GPC3: variants seen among roughly 807,000 people sequenced by gnomAD.
GPC3 encodes the protein glypican-3.
GPC3 carries 3 observed loss-of-function variants against 34.4 expected under a neutral mutation model. That is an observed-to-expected ratio of 0.09 (90% CI 0.04 to 0.23). The LOEUF is 0.23. Among genes scored for constraint, GPC3 ranks in the 10% least tolerant of loss-of-function variants. The pLI is 1.00. For missense variants in GPC3, 351 were observed against 445.6 expected (o/e 0.79, Z 1.91); for synonymous variants, 177 against 174.0 (o/e 1.02, Z -0.13).
chrX:133,902,652 G>A (rs182347347), intron 2 of GPC3, among the ~76,000 whole-genome samples: 17 of 111,592 alleles, frequency 1.5e-4, no homozygotes, highest in Non-Finnish European at 9.4e-5. Context: ...GAACCCAGGA[G>A]GCAGAGGTTA....
At chrX:133,894,620 A>C (rs1253943536) in intron 2 of GPC3, among the ~76,000 whole-genome samples, 1 of 111,853 alleles carries the variant, frequency 8.9e-6, no homozygotes. Flanking sequence ...CAGGCAGATC[A>C]CTTGAGGTCA....
intron 2 of GPC3, among the ~76,000 whole-genome samples, chrX:133,841,445 C>T (rs984293077): frequency 2.8e-5 from 3 of 108,131 alleles, no homozygotes; most frequent in Non-Finnish European, 5.7e-5. Context: ...AGAGATGTCA[C>T]GATGCATAAA....
intron 2 of GPC3, among the ~76,000 whole-genome samples, chrX:133,921,251 G>A (rs1438824357): frequency 1.8e-5 from 2 of 111,256 alleles, no homozygotes; most frequent in African/African-American, 3.3e-5. Context: ...TCTGGTCTCC[G>A]GGCCCCTCTT....
At chrX:133,579,874 C>T (rs757155221) in intron 7 of GPC3, among the ~76,000 whole-genome samples, 4 of 112,314 alleles carry the variant, frequency 3.6e-5, no homozygotes, top group South Asian at 3.7e-4. Context: ...GAAACAAGTA[C>T]GGGTTAACAG....
chrX:133,611,320 T>G (rs1401136205), intron 6 of GPC3, among the ~76,000 whole-genome samples: 1 of 110,562 alleles, frequency 9.0e-6, no homozygotes, highest in Non-Finnish European at 1.9e-5. Flanking sequence ...TACCCTCATA[T>G]AGTCCACAAG....
intron 2 of GPC3, among the ~76,000 whole-genome samples, chrX:133,844,826 A>G (rs1203884873): frequency 8.9e-6 from 1 of 111,794 alleles, no homozygotes; most frequent in Non-Finnish European, 1.9e-5. Context: ...CTGATTTTTA[A>G]TATTTGGTCC....
intron 2 of GPC3, among the ~76,000 whole-genome samples, chrX:133,935,734 G>C (rs1325950872): frequency 2.7e-5 from 3 of 111,061 alleles, no homozygotes; most frequent in Non-Finnish European, 1.9e-5. Flanking sequence ...TAATATATGA[G>C]AGTATCATGT....
intron 7 of GPC3, among the ~76,000 whole-genome samples, chrX:133,546,399 A>T (rs1037162679): frequency 6.7e-5 from 7 of 104,262 alleles, no homozygotes; most frequent in Admixed American, 1.1e-4. Context: ...AGCCAAGATT[A>T]AAAAAAAAAA....
At chrX:133,893,149 T>C (rs980811839) in intron 2 of GPC3, among the ~76,000 whole-genome samples, 4 of 110,866 alleles carry the variant, frequency 3.6e-5, no homozygotes, top group African/African-American at 1.3e-4. Context: ...CCTGGCTACT[T>C]AGGAGGCTGA....
rs769696321 is a variant in GPC3, at chrX:133,841,215, ATTTTTTTTTTT to A, written c.338-87050_338-87040del. Among the ~76,000 whole-genome samples, 121 of 39,244 alleles carry A rather than the reference ATTTTTTTTTTT, an allele frequency of 3.1e-3. 1 individual carries two copies. Among genetic ancestry groups the A allele is most frequent in the African/African-American group, 7.4e-3 (106 of 14,327 alleles). 34.1% of individuals were successfully genotyped at this position (39,244 alleles called of 115,157 possible). On this transcript the variant is annotated intron_variant, in intron 2 of 7. Coordinates refer to ENST00000370818, the MANE Select transcript of GPC3 (RefSeq NM_004484.4). ...ACCACCATGCCTGGCTAATCTTTTA[ATTTTTTTTTTT>A]TTTTTTTTTTTTGGTAGAGATGGGG...
At chrX:133,707,414 T>C (rs988965017) in intron 3 of GPC3, among the ~76,000 whole-genome samples, 4 of 111,778 alleles carry the variant, frequency 3.6e-5, no homozygotes, top group African/African-American at 1.3e-4. Flanking sequence ...ATTTAATATT[T>C]TGTAGGAGAA....
intron 4 of GPC3, among the ~76,000 whole-genome samples, chrX:133,695,340 G>A (rs1056974538): frequency 6.2e-5 from 7 of 112,261 alleles, no homozygotes; most frequent in Admixed American, 1.9e-4. Context: ...CTACTGTGAT[G>A]ATGGTTGCAT....
intron 3 of GPC3, among the ~76,000 whole-genome samples, chrX:133,732,860 A>C (rs1283167449): frequency 9.0e-6 from 1 of 110,597 alleles, no homozygotes; most frequent in Non-Finnish European, 1.9e-5. Flanking sequence ...AAGAGTTCAC[A>C]TTTCTTTCTT....
intron 2 of GPC3, among the ~76,000 whole-genome samples, chrX:133,911,027 AAC>A (rs1315620053): frequency 8.9e-6 from 1 of 111,854 alleles, no homozygotes; most frequent in East Asian, 2.8e-4. Flanking sequence ...TAAATGTGAA[AAC>A]ACTCTCTGTA....
intron 6 of GPC3, among the ~76,000 whole-genome samples, chrX:133,635,524 T>C (rs902340339): frequency 8.0e-5 from 9 of 112,186 alleles, no homozygotes; most frequent in Admixed American, 1.9e-4. Flanking sequence ...AAAAAACAAC[T>C]GAGCTTTCCA....
chrX:133,933,863 T>G (rs947921962), intron 2 of GPC3, among the ~76,000 whole-genome samples: 15 of 107,647 alleles, frequency 1.4e-4, no homozygotes, highest in Non-Finnish European at 2.3e-4. Flanking sequence ...TTTCTTTTTT[T>G]TTTTGTTTTT....
At chrX:133,657,181 A>G in intron 6 of GPC3, among the ~76,000 whole-genome samples, 1 of 112,353 alleles carries the variant, frequency 8.9e-6, no homozygotes, top group Non-Finnish European at 1.9e-5. Flanking sequence ...AAATGGGGAA[A>G]CAATAAATGG....
At chrX:133,671,529 G>A in intron 5 of GPC3, 1 of 379,150 alleles carries the variant, frequency 2.6e-6, no homozygotes, top group Non-Finnish European at 4.6e-6. Context: ...CTACGAGGGT[G>A]CTAGAAACAG....
intron 6 of GPC3, among the ~76,000 whole-genome samples, chrX:133,625,350 C>A (rs1274734042): frequency 9.0e-6 from 1 of 111,678 alleles, no homozygotes; most frequent in Non-Finnish European, 1.9e-5. Context: ...AAAGGATATT[C>A]AATTAGGAAA....
Sources: allele counts gnomAD v4.1 joint callset (sites outside exome capture counted in the v4.1 genomes callset), GRCh38; gene constraint gnomAD v4.1.1; transcripts MANE v1.5; gene names NCBI Gene and HGNC (gene_info 2026-07-23, HGNC 2026-07-21).